CCDC146: variants seen among roughly 807,000 people sequenced by gnomAD.
The protein encoded by CCDC146 is coiled-coil domain containing 146.
CCDC146 carries 92 observed loss-of-function variants against 119.3 expected under a neutral mutation model. The ratio of observed to expected loss-of-function variants is 0.77; its 90% CI spans 0.65 to 0.92. The LOEUF (loss-of-function observed/expected upper bound fraction) is 0.92. Ranked by LOEUF, CCDC146 falls within the 40% of genes least tolerant of loss-of-function variation. CCDC146 has a pLI of 0.00. For synonymous variants in CCDC146, 372 were observed against 371.8 expected (o/e 1.00, Z -0.01); for missense variants, 1,000 against 1,103.0 (o/e 0.91, Z 1.32).
chr7:77,169,532 A>C (rs1407772466), intron 2 of CCDC146, among the ~76,000 whole-genome samples: 1 of 152,222 alleles, frequency 6.6e-6, no homozygotes, highest in African/African-American at 2.4e-5. Flanking sequence ...TAATTCCATC[A>C]TTTCTTCTAT....
chr7:77,277,154 A>C (rs1442563230), intron 11 of CCDC146, among the ~76,000 whole-genome samples: 1 of 152,150 alleles, frequency 6.6e-6, no homozygotes. Flanking sequence ...CATCTTCACC[A>C]AGTCAGGGTC....
At chr7:77,125,051 T>A (rs1227377603) in intron 1 of CCDC146, among the ~76,000 whole-genome samples, 1 of 151,802 alleles carries the variant, frequency 6.6e-6, no homozygotes, top group East Asian at 1.9e-4. Context: ...AAAATTAGCT[T>A]GGCGTAGTGA....
intron 2 of CCDC146, among the ~76,000 whole-genome samples, chr7:77,171,992 C>G (rs2117496267): frequency 6.6e-6 from 1 of 152,338 alleles, no homozygotes; most frequent in Non-Finnish European, 1.5e-5. Flanking sequence ...CTGGGTATAA[C>G]AGGCCTCTGA....
At chr7:77,240,983 T>G (rs994700181) in intron 3 of CCDC146, among the ~76,000 whole-genome samples, 1 of 145,378 alleles carries the variant, frequency 6.9e-6, no homozygotes, top group Non-Finnish European at 1.5e-5. Flanking sequence ...TTTTTTTTTG[T>G]TTGTTTGTTT....
At chr7:77,291,810 G>T (rs180816165) in intron 17 of CCDC146, among the ~76,000 whole-genome samples, 1 of 152,320 alleles carries the variant, frequency 6.6e-6, no homozygotes. Flanking sequence ...ACCTAGTAAT[G>T]ATGCACACCA....
At chr7:77,156,344 A>G (rs963383827) in intron 1 of CCDC146, among the ~76,000 whole-genome samples, 4 of 152,076 alleles carry the variant, frequency 2.6e-5, no homozygotes, top group Admixed American at 6.6e-5. Flanking sequence ...TTATCTGTAC[A>G]TATTTACTGC....
chr7:77,124,778 A>T (rs537412053), intron 1 of CCDC146, among the ~76,000 whole-genome samples: 1 of 152,324 alleles, frequency 6.6e-6, no homozygotes, highest in East Asian at 1.9e-4. Flanking sequence ...CAGCAATAAG[A>T]ATGAAAAGCT....
At chr7:77,191,735 A>C (rs148006047) in intron 2 of CCDC146, among the ~76,000 whole-genome samples, 1,764 of 151,814 alleles carry the variant, frequency 0.012, 18 homozygotes, top group East Asian at 0.019. Flanking sequence ...GGTGAAACCC[A>C]GTCTCTACTA....
intron 2 of CCDC146, among the ~76,000 whole-genome samples, chr7:77,182,240 A>G (rs958544629): frequency 6.6e-6 from 1 of 152,206 alleles, no homozygotes; most frequent in African/African-American, 2.4e-5. Flanking sequence ...TTGGAAAGAA[A>G]AAACCCTGAT....
At chr7:77,272,243 A>G (rs1793538686) in intron 9 of CCDC146, among the ~76,000 whole-genome samples, 1 of 152,228 alleles carries the variant, frequency 6.6e-6, no homozygotes, top group African/African-American at 2.4e-5. Flanking sequence ...ATTGTCAGAC[A>G]TGTTTCACAA....
intron 2 of CCDC146, chr7:77,194,325 C>A (rs181395302): frequency 6.6e-6 from 1 of 151,966 alleles, no homozygotes; most frequent in Admixed American, 6.6e-5. Context: ...AATATCAAAA[C>A]GTTTTTAGTC....
At chr7:77,175,128 G>A (rs1584042694) in intron 2 of CCDC146, among the ~76,000 whole-genome samples, 1 of 151,504 alleles carries the variant, frequency 6.6e-6, no homozygotes, top group Non-Finnish European at 1.5e-5. Context: ...TCAAGGGCCA[G>A]TGTGTCAGAT....
intron 18 of CCDC146, among the ~76,000 whole-genome samples, 190 bp from the exon 19 acceptor site, chr7:77,294,463 GGTGTGTGTGT>G (rs61323999): frequency 1.1e-3 from 149 of 134,310 alleles, no homozygotes; most frequent in African/African-American, 3.4e-3. Flanking sequence ...ATGAGAGGTA[GGTGTGTGTGT>G]GTGTGTGTGT....
Position 77,144,207 on chromosome 7 carries a change from GCT to G in CCDC146, c.-12+21480_-12+21481del, listed in dbSNP as rs1384612534. Among the ~76,000 whole-genome samples, 3 of 151,480 alleles carry G rather than the reference GCT, an allele frequency of 2.0e-5. 1 individual carries two copies. The highest frequency in any genetic ancestry group is 7.3e-5 in the African/African-American group (3 of 41,002). ...TGAATGGGAGTTCACTCATGATTTG[GCT>G]CTCTGTTTGTCTGTTATTGGTGTAT... On this transcript the variant is annotated intron_variant, in intron 1 of 18. Coordinates refer to ENST00000285871, the MANE Select transcript of CCDC146 (RefSeq NM_020879.3).
chr7:77,294,575 C>A, intron 18 of CCDC146, 88 bp from the exon 19 acceptor site: 1 of 1,310,170 alleles, frequency 7.6e-7, no homozygotes, highest in Non-Finnish European at 1.1e-6. Context: ...AAAGACTGTC[C>A]AGACCAGCTG....
At chr7:77,246,862 G>A (rs1792959830) in intron 4 of CCDC146, among the ~76,000 whole-genome samples, 3 of 152,092 alleles carry the variant, frequency 2.0e-5, no homozygotes. Context: ...ACTTAGCAAG[G>A]TTGTGAATTT....
intron 1 of CCDC146, among the ~76,000 whole-genome samples, chr7:77,156,581 A>G (rs1791182142): frequency 1.3e-5 from 2 of 152,180 alleles, no homozygotes. Context: ...AAAAATAAAT[A>G]AAATAAAATA....
chr7:77,257,009 G>A (rs912729918), intron 6 of CCDC146, among the ~76,000 whole-genome samples: 7 of 152,114 alleles, frequency 4.6e-5, no homozygotes, highest in African/African-American at 1.7e-4. Flanking sequence ...GGGAGGCTGA[G>A]GCAGGAGAAT....
At chr7:77,254,672 C>G (rs3114319) in intron 5 of CCDC146, 109 bp downstream of exon 5, 9 of 611,408 alleles carry the variant, frequency 1.5e-5, no homozygotes, top group Admixed American at 9.8e-5. Context: ...ATTTTAAAGA[C>G]TCTAAAGTCT....
Sources: allele counts gnomAD v4.1 joint callset (sites outside exome capture counted in the v4.1 genomes callset), GRCh38; gene constraint gnomAD v4.1.1; transcripts MANE v1.5; gene names NCBI Gene and HGNC (gene_info 2026-07-23, HGNC 2026-07-21).